DNAH2: variants seen among roughly 807,000 people sequenced by gnomAD.
DNAH2 encodes axonemal beta dynein heavy chain 2.
A neutral mutation model predicts 523.5 loss-of-function variants in DNAH2; 323 were observed. The observed-to-expected ratio is 0.62, with a 90% CI of 0.56 to 0.68. The LOEUF (loss-of-function observed/expected upper bound fraction) is 0.68, where lower values mean the gene tolerates loss of function less well. Among genes scored for constraint, DNAH2 ranks in the 30% least tolerant of loss-of-function variants. DNAH2 has a pLI of 0.00. For missense variants in DNAH2, 4,907 were observed against 5,701.5 expected, an observed-to-expected ratio of 0.86 and a Z score of 4.49; for synonymous variants, 2,093 against 2,177.4, an observed-to-expected ratio of 0.96 and a Z score of 1.08.
intron 22 of DNAH2, among the ~76,000 whole-genome samples, chr17:7,767,157 C>T (rs927869713): frequency 6.7e-6 from 1 of 148,322 alleles, no homozygotes; most frequent in African/African-American, 2.5e-5. Context: ...ATTCTGGACA[C>T]TTCATACAAA....
Position 7,832,563 on chromosome 17 carries a change from C to T in DNAH2, c.12727-16C>T, listed in dbSNP as rs769166150. 2.4e-5 allele frequency: 38 copies of T among 1,612,346 alleles called. No individual in the cohort carries two copies. The highest frequency in any genetic ancestry group is 5.5e-5 in the South Asian group (5 of 90,942). On this transcript the variant is annotated splice_polypyrimidine_tract_variant and intron_variant, in intron 82 of 85. Coordinates refer to ENST00000572933, the MANE Select transcript of DNAH2 (RefSeq NM_020877.5). The surrounding 1 kb of genome is among the most constrained non-coding windows in gnomAD (Gnocchi z 4.3). Reference sequence around the variant, plus strand: ...GCACGGCTAAATGAGTGAATACACACGCACTCCTTCCCCAGGCATACCCCT... The same window carrying T: ...GCACGGCTAAATGAGTGAATACACATGCACTCCTTCCCCAGGCATACCCCT...
intron 13 of DNAH2, among the ~76,000 whole-genome samples, chr17:7,758,270 G>T (rs2075899978): frequency 6.6e-6 from 1 of 152,222 alleles, no homozygotes; most frequent in Non-Finnish European, 1.5e-5. Flanking sequence ...TTGGTGCAAA[G>T]TGATTGCAGT....
intron 60 of DNAH2, 64 bp from the exon 61 acceptor site, chr17:7,805,188 C>T (rs2077335700): frequency 1.2e-6 from 2 of 1,601,294 alleles, no homozygotes; most frequent in Middle Eastern, 1.7e-4. Context: ...AGAGGTGGCA[C>T]CTCAGCTAGG....
At position 7,771,285 on chromosome 17, in the gene DNAH2, AGT is replaced by A; in HGVS notation, c.4363-40_4363-39del. 1.9e-6 allele frequency: 3 copies of A among 1,612,320 alleles called. No homozygotes were observed. The South Asian group carries it at 3.3e-5, about 18-fold the overall frequency. The stretch of plus-strand genomic sequence containing the variant: ...TGGGAACAGGGAGCAGAGGGTGGAG[AGT>A]GTGTAAGAAGTGGCCTCTCACCCCA... On this transcript the variant is annotated intron_variant, in intron 27 of 85. Transcript: ENST00000572933.
At chr17:7,730,478 A>G (rs2074951790) in intron 4 of DNAH2, among the ~76,000 whole-genome samples, 1 of 152,256 alleles carries the variant, frequency 6.6e-6, no homozygotes, top group Non-Finnish European at 1.5e-5. Context: ...AAGGAACTGA[A>G]TCTGGGAATC....
Position 7,798,966 on chromosome 17 carries a change from T to C in DNAH2, c.8560-137T>C, listed in dbSNP as rs2077146148. On this transcript the variant is annotated intron_variant, in intron 55 of 85. Transcript: ENST00000572933. This position sits in a 1 kb window ranked among gnomAD's most constrained non-coding sequence, Gnocchi z 5.5. The stretch of plus-strand genomic sequence containing the variant: ...CCAGCTACTCGGGGGTGGGGGGTGC[T>C]GAAGTGGGAGGATGGTTTGAGGCCA... 2 of 1,295,634 alleles carry C rather than the reference T, an allele frequency of 1.5e-6. No individual in the cohort carries two copies. The highest frequency in any genetic ancestry group is 2.1e-6 in the Non-Finnish European group (2 of 949,066). The allele number at this position is 1,295,634 out of a possible 1,614,324, so 80.3% of individuals were successfully genotyped here. A position where few individuals can be genotyped will look rare whatever the true frequency, so the allele number is the denominator to read the frequency against.
intron 4 of DNAH2, among the ~76,000 whole-genome samples, chr17:7,730,684 A>G (rs1475856477): frequency 6.6e-6 from 1 of 152,224 alleles, no homozygotes; most frequent in East Asian, 1.9e-4. Flanking sequence ...ACTGGCCTGG[A>G]CTATTAGAAA....
At chr17:7,789,112 C>T (rs2076825473) in intron 44 of DNAH2, among the ~76,000 whole-genome samples, 1 of 152,134 alleles carries the variant, frequency 6.6e-6, no homozygotes, top group Non-Finnish European at 1.5e-5. Flanking sequence ...TGCAGTAAGC[C>T]AAGATTGTGC....
chr17:7,751,017 A>C (rs1300171739), intron 12 of DNAH2, among the ~76,000 whole-genome samples: 1 of 152,202 alleles, frequency 6.6e-6, no homozygotes, highest in Non-Finnish European at 1.5e-5. Context: ...TTAGAATGCA[A>C]AGTTTCTTGA....
In DNAH2 at chr17:7,733,331, G is replaced by A. The variant is rs371004348; in HGVS notation, c.628+16G>A. ...TGCCTGACAGGTAAGTGGGAAGACCGGAGTGACTAGTTTCTCCTTAGTGTC... is the reference window on the plus strand; with the variant it reads ...TGCCTGACAGGTAAGTGGGAAGACCAGAGTGACTAGTTTCTCCTTAGTGTC... On this transcript the variant is annotated intron_variant, in intron 5 of 85. Coordinates refer to ENST00000572933, the MANE Select transcript of DNAH2 (RefSeq NM_020877.5). 1.4e-4 allele frequency: 230 copies of A among 1,612,378 alleles called. No individual in the cohort carries two copies. Among genetic ancestry groups the A allele is most frequent in the Middle Eastern group, 3.3e-4 (2 of 6,058 alleles).
chr17:7,748,058 GC>G (rs2151170951), intron 12 of DNAH2, among the ~76,000 whole-genome samples: 1 of 152,366 alleles, frequency 6.6e-6, no homozygotes, highest in Non-Finnish European at 1.5e-5. Flanking sequence ...TAGTCCTGGA[GC>G]CTTCCAGTCC....
Position 7,743,041 on chromosome 17 carries a change from G to A in DNAH2, c.1803G>A (p.Glu601=). 6.5e-7 allele frequency: 1 copy of A among 1,527,236 alleles called. No homozygotes were observed. Among genetic ancestry groups the A allele is most frequent in the South Asian group, 1.3e-5 (1 of 75,210 alleles). The allele number at this position is 1,527,236 out of a possible 1,614,324, so 94.6% of individuals were successfully genotyped here. The part of the protein sequence containing the change: ...IDELVRKTFQ[E]WTSSLDKDCI... ...AGCTGGTTCGAAAAACCTTCCAAGA[G>A]TGGACATCAAGTCTGGACAAGGATT... Residue 601 remains glutamate (E), a synonymous_variant, in exon 12 of 86, where the codon GAG becomes GAA. Transcript: ENST00000572933.
chr17:7,792,071 T>G lies in DNAH2; in HGVS notation c.7053+2T>G. ...ATCGAGGGCTCCTTTCCCAATAAGGTTGGGCGCACACCTGGCTGTCCTATT... is the reference window on the plus strand; with the variant it reads ...ATCGAGGGCTCCTTTCCCAATAAGGGTGGGCGCACACCTGGCTGTCCTATT... On this transcript the variant is annotated splice_donor_variant, in intron 45 of 85. Coordinates refer to ENST00000572933, the MANE Select transcript of DNAH2 (RefSeq NM_020877.5). LOFTEE classifies it high-confidence loss of function. The G allele has an allele frequency of 6.2e-7, 1 of 1,612,444 alleles. No homozygotes were observed. The highest frequency in any genetic ancestry group is 8.5e-7 in the Non-Finnish European group (1 of 1,179,602).
At chr17:7,761,907 G>GAAAA (rs201158634) in intron 18 of DNAH2, among the ~76,000 whole-genome samples, 2 of 128,774 alleles carry the variant, frequency 1.6e-5, no homozygotes, top group African/African-American at 2.9e-5. Context: ...GAGGAGTTAA[G>GAAAA]AAAAAAAAAA....
In DNAH2 at chr17:7,780,971, C is replaced by T. The variant is rs1424781732; in HGVS notation, c.6004-71C>T. ...TATCCATTGTTCTTGGCACGTGCCC[C>T]GAAGCCCTTTGGAGGTGAAAGGCCT... is the stretch of plus-strand genomic sequence containing the variant. On this transcript the variant is annotated intron_variant, in intron 38 of 85. Transcript: ENST00000572933. This position sits in a 1 kb window ranked among gnomAD's most constrained non-coding sequence, Gnocchi z 4.4. 1.2e-5 allele frequency: 19 copies of T among 1,608,948 alleles called. No homozygotes were observed. The highest frequency in any genetic ancestry group is 5.3e-5 in the African/African-American group (4 of 74,854).
In DNAH2 at chr17:7,786,241, G is replaced by A. The variant is rs772289809; in HGVS notation, c.6247G>A (p.Val2083Met). ...GAACTCCCGCCACTCCACCATGATCGTGGGCTGCACGGGCAGCGGCAAGAC... is the reference window on the plus strand; with the variant it reads ...GAACTCCCGCCACTCCACCATGATCATGGGCTGCACGGGCAGCGGCAAGAC... ...TKNSRHSTMI[V>M]GCTGSGKTAS... is the part of the protein sequence containing the mutation. The change falls in exon 40 of 86, where the codon GTG becomes ATG. Residue 2083 changes from valine (V) to methionine (M), a missense_variant. Val to Met is a conservative substitution (Grantham distance 21). Coordinates refer to ENST00000572933, the MANE Select transcript of DNAH2 (RefSeq NM_020877.5). This position sits in a 1 kb window ranked among gnomAD's most constrained non-coding sequence, Gnocchi z 7.5. 9 of 1,613,956 alleles carry A rather than the reference G, an allele frequency of 5.6e-6. No homozygotes were observed. The highest frequency in any genetic ancestry group is 2.2e-5 in the East Asian group (1 of 44,878).
At chr17:7,794,779 G>A (rs914204062) in intron 49 of DNAH2, among the ~76,000 whole-genome samples, 1 of 143,216 alleles carries the variant, frequency 7.0e-6, no homozygotes, top group African/African-American at 2.6e-5. Context: ...TTTTGAGACA[G>A]GGTCTCACTC....
At position 7,734,547 on chromosome 17, in the gene DNAH2, G is replaced by T; in HGVS notation, c.817G>T (p.Gly273Cys). The change falls in exon 7 of 86, where the codon GGT becomes TGT. Residue 273 changes from glycine (G) to cysteine (C), a missense_variant. Coordinates refer to ENST00000572933, the MANE Select transcript of DNAH2 (RefSeq NM_020877.5). ...GACTGTGGAGACAGGAGAAAATTTA[G>T]GTCCTCTGGAGGAGATTGAGTTCTG... ...QETVETGENL[G>C]PLEEIEFWRN... 1 of 1,613,812 alleles carries T rather than the reference G, an allele frequency of 6.2e-7. No homozygotes were observed. The highest frequency in any genetic ancestry group is 1.3e-5 in the African/African-American group (1 of 74,906).
chr17:7,781,512 C>G (rs147421699), intron 39 of DNAH2, among the ~76,000 whole-genome samples: 1,577 of 152,320 alleles, frequency 0.01, 35 homozygotes, highest in African/African-American at 0.036. Context: ...ACCGCACTCT[C>G]CCTGACCACA....
Sources: gnomAD v4.1 joint callset for allele counts (sites outside exome capture counted in the v4.1 genomes callset) on GRCh38, gnomAD v4.1.1 for gene constraint, Gnocchi (gnomAD v3.1) non-coding constraint, MANE v1.5 for transcripts, NCBI Gene and HGNC (gene_info 2026-07-23, HGNC 2026-07-21) for gene names.